Variants in BACH2 observed in about 807,000 individuals in gnomAD.
BACH2 encodes transcription regulator protein BACH2.
In BACH2, 5 loss-of-function variants were observed where a neutral mutation model predicts 61.8. The observed-to-expected ratio is 0.08, with a 90% CI of 0.04 to 0.17. The LOEUF (loss-of-function observed/expected upper bound fraction) is 0.17. BACH2 is among the 10% of genes least tolerant of loss of function. BACH2 has a pLI of 1.00. For missense variants in BACH2, 824 were observed against 1,091.1 expected (o/e 0.76, Z 3.45); for synonymous variants, 446 against 440.1 (o/e 1.01, Z -0.17).
intron 3 of BACH2, among the ~76,000 whole-genome samples, chr6:90,216,596 G>C (rs1313909823): frequency 6.6e-6 from 1 of 152,204 alleles, no homozygotes; most frequent in Non-Finnish European, 1.5e-5. Context: ...AAGTACTCTT[G>C]CCTGCACCTT....
chr6:90,137,737 G>A (rs1366314186), intron 4 of BACH2, among the ~76,000 whole-genome samples: 2 of 152,116 alleles, frequency 1.3e-5, no homozygotes, highest in Admixed American at 6.5e-5. Flanking sequence ...AGAAGCCTGT[G>A]GGATTCTATA....
Position 90,198,515 on chromosome 6 carries a change from A to G in BACH2, c.-162+8054T>C, listed in dbSNP as rs141084940. ...TCTGGGGCCTATAGGGTCTTAACACAAAGTCCAGCTTTTCTATTCCGAAGA... is the reference window on the plus strand; with the variant it reads ...TCTGGGGCCTATAGGGTCTTAACACGAAGTCCAGCTTTTCTATTCCGAAGA... On this transcript the variant is annotated intron_variant, in intron 4 of 8. Transcript: ENST00000257749. Among the ~76,000 whole-genome samples, 12 of 152,310 alleles carry G rather than the reference A, an allele frequency of 7.9e-5. No homozygotes were observed. In the East Asian group the frequency reaches 2.3e-3, roughly 29 times the overall value.
chr6:90,161,086 C>CA (rs11390042), intron 4 of BACH2, among the ~76,000 whole-genome samples: 71,916 of 104,914 alleles, frequency 0.69, 23,464 homozygotes, highest in African/African-American at 0.82. Flanking sequence ...GACTCCGTCT[C>CA]AAAAAAAAAA....
intron 4 of BACH2, among the ~76,000 whole-genome samples, chr6:90,121,734 T>C (rs927915237): frequency 3.8e-4 from 58 of 152,206 alleles, no homozygotes; most frequent in African/African-American, 1.3e-3. Flanking sequence ...TTAGTAGAGA[T>C]GGGGTTTCAC....
At chr6:90,125,185 A>C (rs565707110) in intron 4 of BACH2, among the ~76,000 whole-genome samples, 1 of 152,334 alleles carries the variant, frequency 6.6e-6, no homozygotes, top group East Asian at 1.9e-4. Context: ...AGAGAAGAAA[A>C]TGTGCCATAA....
chr6:90,279,025 T>C (rs1771776850), intron 1 of BACH2, among the ~76,000 whole-genome samples: 1 of 152,238 alleles, frequency 6.6e-6, no homozygotes, highest in Non-Finnish European at 1.5e-5. Flanking sequence ...TCCTTTTTGT[T>C]TGAAAGCTGG....
intron 3 of BACH2, among the ~76,000 whole-genome samples, chr6:90,234,887 CT>C (rs1770208753): frequency 6.6e-6 from 1 of 152,178 alleles, no homozygotes; most frequent in South Asian, 2.1e-4. Flanking sequence ...CACTCACTAG[CT>C]GGGTGACCTT....
chr6:90,051,320 T>C (rs1780036020), intron 5 of BACH2, among the ~76,000 whole-genome samples: 1 of 152,208 alleles, frequency 6.6e-6, no homozygotes, highest in Non-Finnish European at 1.5e-5. Flanking sequence ...TGTGCTAAAC[T>C]TTCTCACTGG....
intron 5 of BACH2, among the ~76,000 whole-genome samples, chr6:90,052,647 C>T (rs1229200117): frequency 6.6e-6 from 1 of 152,196 alleles, no homozygotes; most frequent in African/African-American, 2.4e-5. Context: ...TCTTGAACTC[C>T]TGGCCTCAAG....
Position 90,028,450 on chromosome 6 carries a change from T to C in BACH2, c.-12-19594A>G, listed in dbSNP as rs1778754333. On this transcript the variant is annotated intron_variant, in intron 5 of 8. Transcript: ENST00000257749. The stretch of plus-strand genomic sequence containing the variant: ...ACGGGCTTTTCCTATTTTCTCTCTC[T>C]GCTACCTTTTGCATGTATGTTCTGC... Among the ~76,000 whole-genome samples the C allele has an allele frequency of 3.3e-5, 5 of 152,242 alleles. No homozygotes were observed. The South Asian group carries it at 1.0e-3, about 32-fold the overall frequency.
At chr6:90,033,598 T>C (rs942753952) in intron 5 of BACH2, among the ~76,000 whole-genome samples, 57 of 152,296 alleles carry the variant, frequency 3.7e-4, no homozygotes, top group African/African-American at 1.3e-3. Flanking sequence ...GATGGTTTTC[T>C]GAGCAGCTTA....
chr6:90,275,747 G>A (rs968840567), intron 1 of BACH2, among the ~76,000 whole-genome samples: 12 of 152,098 alleles, frequency 7.9e-5, no homozygotes, highest in South Asian at 2.1e-4. Context: ...AGGCCAAGGC[G>A]GCCTGAACAT....
At chr6:90,080,515 T>C (rs1331092454) in intron 5 of BACH2, among the ~76,000 whole-genome samples, 2 of 152,118 alleles carry the variant, frequency 1.3e-5, no homozygotes, top group African/African-American at 4.8e-5. Context: ...AAGAGGATAT[T>C]TGCCAGGGGC....
intron 4 of BACH2, among the ~76,000 whole-genome samples, chr6:90,181,811 T>C (rs1343193399): frequency 6.6e-6 from 1 of 152,106 alleles, no homozygotes; most frequent in African/African-American, 2.4e-5. Context: ...ATTATTATTA[T>C]TTTGTTTTTT....
At chr6:90,114,921 T>TACAC (rs762875182) in intron 4 of BACH2, among the ~76,000 whole-genome samples, 2 of 151,496 alleles carry the variant, frequency 1.3e-5, no homozygotes, top group African/African-American at 4.8e-5. Context: ...TCATAATTGC[T>TACAC]ACACACACAC....
chr6:90,085,293 C>A (rs1457826293), intron 5 of BACH2, among the ~76,000 whole-genome samples: 1 of 152,134 alleles, frequency 6.6e-6, no homozygotes, highest in Non-Finnish European at 1.5e-5. Context: ...TTTTCTACTG[C>A]GCTGGAATCT....
At chr6:90,218,800 A>C (rs1208842830) in intron 3 of BACH2, among the ~76,000 whole-genome samples, 4 of 152,270 alleles carry the variant, frequency 2.6e-5, no homozygotes, top group Admixed American at 6.5e-5. Context: ...AAAGCTCCCC[A>C]AACAGAAACT....
chr6:90,022,051 CT>C (rs1349667552), intron 5 of BACH2, among the ~76,000 whole-genome samples: 4 of 152,144 alleles, frequency 2.6e-5, no homozygotes, highest in African/African-American at 9.7e-5. Context: ...TTTCCTTGAC[CT>C]TCTAGGGGAA....
chr6:90,212,597 A>G (rs1321640142), intron 3 of BACH2, among the ~76,000 whole-genome samples: 3 of 152,236 alleles, frequency 2.0e-5, no homozygotes, highest in Admixed American at 2.0e-4. Context: ...CATGGAAAAC[A>G]GACATTCTAA....
Sources: allele counts gnomAD v4.1 joint callset (sites outside exome capture counted in the v4.1 genomes callset), GRCh38; gene constraint gnomAD v4.1.1; transcripts MANE v1.5; gene names NCBI Gene and HGNC (gene_info 2026-07-23, HGNC 2026-07-21).